The following ZAP70 variants were observed in gnomAD, a reference collection of about 807,000 sequenced individuals.
The protein encoded by ZAP70 is tyrosine-protein kinase ZAP-70.
Under a neutral mutation model 65.8 loss-of-function variants are expected in ZAP70, and 27 were observed. The observed-to-expected ratio is 0.41, with a 90% CI of 0.30 to 0.57. ZAP70 has a LOEUF of 0.57. Ranked by LOEUF, ZAP70 falls within the 20% of genes least tolerant of loss-of-function variation. ZAP70 has a pLI of 0.28. For missense variants in ZAP70, 696 were observed against 870.5 expected (o/e 0.80, Z 2.52); for synonymous variants, 363 against 360.8 (o/e 1.01, Z -0.07).
rs1467394607 is a variant in ZAP70 at position 97,736,133 on chromosome 2, GGA to G, written c.1289+678_1289+679del. Among the ~76,000 whole-genome samples, 1 of 152,068 alleles carries G rather than the reference GGA, an allele frequency of 6.6e-6. No individual in the cohort carries two copies. The highest frequency in any genetic ancestry group is 1.5e-5 in the Non-Finnish European group (1 of 68,006). ...GGAAAGTGCCCATTGCCAGTTATCTGGAACCTGCCCTTTGTTTACGTGCTGCG... is the reference window on the plus strand; with the variant it reads ...GGAAAGTGCCCATTGCCAGTTATCTGACCTGCCCTTTGTTTACGTGCTGCG... On this transcript the variant is annotated intron_variant, in intron 10 of 13. Coordinates refer to ENST00000264972, the MANE Select transcript of ZAP70 (RefSeq NM_001079.4). The surrounding 1 kb of genome is among the most constrained non-coding windows in gnomAD (Gnocchi z 4.0).
chr2:97,724,698 C>T (rs1677308580), intron 3 of ZAP70: 1 of 1,517,922 alleles, frequency 6.6e-7, no homozygotes, highest in Non-Finnish European at 8.8e-7. Context: ...GAGGGACGCA[C>T]TGGGCCGGGC....
At chr2:97,755,816 G>T in the ZAP70 span, among the ~76,000 whole-genome samples, 1 of 152,202 alleles carries the variant, frequency 6.6e-6, no homozygotes, top group African/African-American at 2.4e-5. Flanking sequence ...GGCTGGTAAA[G>T]GTTGGCCAGT....
chr2:97,740,961 T>G (rs1019649552), downstream of ZAP70, among the ~76,000 whole-genome samples: 5 of 152,248 alleles, frequency 3.3e-5, no homozygotes, highest in Non-Finnish European at 5.9e-5. Context: ...GCGAAGACCC[T>G]GAGCTCTGGG....
intron 2 of ZAP70, among the ~76,000 whole-genome samples, chr2:97,721,726 C>T (rs576471066): frequency 1.3e-4 from 19 of 150,648 alleles, no homozygotes; most frequent in South Asian, 6.3e-4. Context: ...CCACCGCAGC[C>T]GGCCAATCTT....
chr2:97,751,987 CCAAA>C, the ZAP70 span, among the ~76,000 whole-genome samples: 1 of 152,170 alleles, frequency 6.6e-6, no homozygotes, highest in African/African-American at 2.4e-5. Flanking sequence ...CTCAGCAGGG[CCAAA>C]CAAACCACAG....
At chr2:97,735,086 G>A in intron 9 of ZAP70, 164 bp from the exon 10 acceptor site, 4 of 821,652 alleles carry the variant, frequency 4.9e-6, no homozygotes, top group Non-Finnish European at 7.7e-6. Flanking sequence ...CTCAGCAGAC[G>A]CTCCAGGCTG....
chr2:97,749,951 AT>A, the ZAP70 span, among the ~76,000 whole-genome samples: 1 of 152,234 alleles, frequency 6.6e-6, no homozygotes, highest in East Asian at 1.9e-4. Flanking sequence ...GGAAGTTGCC[AT>A]TTCTAGGGGT....
chr2:97,744,685 T>G (rs538263578), downstream of ZAP70, among the ~76,000 whole-genome samples: 1 of 152,084 alleles, frequency 6.6e-6, no homozygotes, highest in Non-Finnish European at 1.5e-5. Flanking sequence ...GAACAGAGAA[T>G]AACAGGGAAG....
intron 4 of ZAP70, among the ~76,000 whole-genome samples, chr2:97,732,205 G>A (rs1677639869): frequency 6.6e-6 from 1 of 152,174 alleles, no homozygotes; most frequent in South Asian, 2.1e-4. Flanking sequence ...CCAGCAGAAG[G>A]CAATCGAGGG....
chr2:97,721,022 C>T (rs558765381), intron 2 of ZAP70, among the ~76,000 whole-genome samples: 1 of 152,190 alleles, frequency 6.6e-6, no homozygotes, highest in Admixed American at 6.5e-5. Context: ...TTCTCCAATG[C>T]AAACTTATGC....
In ZAP70 at chr2:97,737,600, C is replaced by T; in HGVS notation, c.1417C>T (p.His473Tyr). Reference protein sequence around the residue: ...AARNVLLVNRHYAKISDFGLS... With the variant: ...AARNVLLVNRYYAKISDFGLS... ...CCGCAACGTCCTGCTGGTTAACCGG[C>T]ACTACGCCAAGATCAGCGACTTTGG... Residue 473 changes from histidine to tyrosine, a missense_variant, in exon 11 of 14, where the codon CAC becomes TAC. His to Tyr is a moderately conservative substitution (Grantham distance 83, BLOSUM62 2). Transcript: ENST00000264972. This position sits in a 1 kb window ranked among gnomAD's most constrained non-coding sequence, Gnocchi z 5.0. 1 of 1,614,128 alleles carries T rather than the reference C, an allele frequency of 6.2e-7. No homozygotes were observed. Among genetic ancestry groups the T allele is most frequent in the Non-Finnish European group, 8.5e-7 (1 of 1,179,998 alleles).
In ZAP70 at chr2:97,733,687, T is replaced by C; in HGVS notation, c.889+92T>C. 6 of 1,532,506 alleles carry C rather than the reference T, an allele frequency of 3.9e-6. No homozygotes were observed. In the South Asian group the frequency reaches 5.6e-5, roughly 14 times the overall value. The allele number at this position is 1,532,506 out of a possible 1,614,324, so 94.9% of individuals were successfully genotyped here. A position where few individuals can be genotyped will look rare whatever the true frequency, so the allele number is the denominator to read the frequency against. ...GGCTGTGGGGTTTCACGGGGGGCGC[T>C]GTGGGCCGGGCCAGGCTGTGGCAGT... On this transcript the variant is annotated intron_variant, in intron 8 of 13. Transcript: ENST00000264972.
chr2:97,737,723 G>C lies in ZAP70; in HGVS notation c.1483-34G>C. On this transcript the variant is annotated intron_variant, in intron 11 of 13. Coordinates refer to ENST00000264972, the MANE Select transcript of ZAP70 (RefSeq NM_001079.4). This position sits in a 1 kb window ranked among gnomAD's most constrained non-coding sequence, Gnocchi z 5.0. ...TGGGCTGGGTGGGTAGAGGGTCCCTGACCCCTGATCCAGCAGCATCTCCCC... is the reference window on the plus strand; with the variant it reads ...TGGGCTGGGTGGGTAGAGGGTCCCTCACCCCTGATCCAGCAGCATCTCCCC... 6.2e-7 allele frequency: 1 copy of C among 1,614,080 alleles called. No individual in the cohort carries two copies. Among genetic ancestry groups the C allele is most frequent in the Non-Finnish European group, 8.5e-7 (1 of 1,179,998 alleles).
chr2:97,725,086 T>C lies in ZAP70; in HGVS notation c.403-6T>C, dbSNP rs1443044234. ...CCTACAGACCTCCTCGCCTCTCCTT[T>C]TCTAGGGCGAGGCCCTGGAGCAGGC... On this transcript the variant is annotated splice_polypyrimidine_tract_variant and splice_region_variant and intron_variant, in intron 3 of 13. Transcript: ENST00000264972. 3 of 1,613,894 alleles carry C rather than the reference T, an allele frequency of 1.9e-6. No homozygotes were observed. Among genetic ancestry groups the C allele is most frequent in the Non-Finnish European group, 2.5e-6 (3 of 1,180,006 alleles).
At chr2:97,723,958 C>T (rs1677262683) in intron 2 of ZAP70, 58 bp from the exon 3 acceptor site, 1 of 1,524,578 alleles carries the variant, frequency 6.6e-7, no homozygotes, top group African/African-American at 1.4e-5. Flanking sequence ...GTCTTTGGGC[C>T]CAACGCACCA....
chr2:97,731,076 G>T lies in ZAP70; in HGVS notation c.564-1807G>T, dbSNP rs1406290205. On this transcript the variant is annotated intron_variant, in intron 4 of 13. Coordinates refer to ENST00000264972, the MANE Select transcript of ZAP70 (RefSeq NM_001079.4). This position sits in a 1 kb window ranked among gnomAD's most constrained non-coding sequence, Gnocchi z 4.0. ...TCTCAAAAAAAAAAAAAAAAAAAAAGAGACAGAGGAGGGGAGATGGGAGGT... is the reference window on the plus strand; with the variant it reads ...TCTCAAAAAAAAAAAAAAAAAAAAATAGACAGAGGAGGGGAGATGGGAGGT... 6.9e-6 allele frequency among the ~76,000 whole-genome samples: 1 copy of T among 144,822 alleles called. No individual in the cohort carries two copies. Among genetic ancestry groups the T allele is most frequent in the Non-Finnish European group, 1.5e-5 (1 of 65,972 alleles).
chr2:97,753,740 C>T, the ZAP70 span, among the ~76,000 whole-genome samples: 214 of 152,122 alleles, frequency 1.4e-3, 1 homozygote, highest in Middle Eastern at 6.8e-3. Flanking sequence ...GGGAGGCTGA[C>T]GCAGGAGGAT....
chr2:97,747,270 T>C, the ZAP70 span, among the ~76,000 whole-genome samples: 1 of 152,232 alleles, frequency 6.6e-6, no homozygotes, highest in East Asian at 1.9e-4. Context: ...ATGCATTGTG[T>C]ATACAGTGGC....
At chr2:97,727,354 C>T (rs899935760) in intron 4 of ZAP70, among the ~76,000 whole-genome samples, 2 of 152,218 alleles carry the variant, frequency 1.3e-5, no homozygotes, top group African/African-American at 4.8e-5. Context: ...GTCTCTCTTT[C>T]CTTTTGGACT....
Sources: allele counts gnomAD v4.1 joint callset (sites outside exome capture counted in the v4.1 genomes callset), GRCh38; gene constraint gnomAD v4.1.1; non-coding constraint Gnocchi (gnomAD v3.1); transcripts MANE v1.5; gene names NCBI Gene and HGNC (gene_info 2026-07-23, HGNC 2026-07-21).